Variants in SEMA3A observed in about 807,000 individuals in gnomAD.
SEMA3A encodes semaphorin-3A.
SEMA3A carries 29 observed loss-of-function variants against 97.9 expected under a neutral mutation model. The ratio of observed to expected loss-of-function variants is 0.30; its 90% CI spans 0.22 to 0.40. The LOEUF (loss-of-function observed/expected upper bound fraction) is 0.40. Ranked by LOEUF, SEMA3A falls within the 10% of genes least tolerant of loss-of-function variation. The pLI is 1.00. For synonymous variants in SEMA3A, 321 were observed against 323.7 expected (o/e 0.99, Z 0.09); for missense variants, 763 against 951.3 (o/e 0.80, Z 2.60).
rs367839952 is a variant in SEMA3A at position 84,398,351 on chromosome 7, T to C, written c.-245-26451A>G. On this transcript the variant is annotated intron_variant, in intron 1 of 3. Coordinates refer to the SEMA3A transcript ENST00000424555. Reference sequence around the variant, plus strand: ...TGGTGCTTTTTCTTAGTTTTTGTCCTGATTAATATTATTGTAGCACGTGAC... The same window carrying C: ...TGGTGCTTTTTCTTAGTTTTTGTCCCGATTAATATTATTGTAGCACGTGAC... Among the ~76,000 whole-genome samples the C allele has an allele frequency of 6.9e-4, 105 of 152,326 alleles. 1 individual carries two copies. Among genetic ancestry groups the C allele is most frequent in the African/African-American group, 2.4e-3 (98 of 41,574 alleles).
intron 2 of SEMA3A, among the ~76,000 whole-genome samples, chr7:84,370,383 A>G (rs1446905340): frequency 2.0e-5 from 3 of 151,716 alleles, no homozygotes; most frequent in Non-Finnish European, 4.4e-5. Context: ...CCAATACCTT[A>G]TATTTTAGCA....
chr7:84,066,343 C>T (rs1427413669), intron 4 of SEMA3A, among the ~76,000 whole-genome samples: 2 of 151,694 alleles, frequency 1.3e-5, no homozygotes, highest in Admixed American at 6.6e-5. Flanking sequence ...TGGAAGCATT[C>T]CCTTTGAAGA....
At position 84,391,511 on chromosome 7, in the gene SEMA3A, G is replaced by T. The variant is rs533577315; in HGVS notation, c.-245-19611C>A. Among the ~76,000 whole-genome samples, 11 of 152,152 alleles carry T rather than the reference G, an allele frequency of 7.2e-5. No individual in the cohort carries two copies. In the South Asian group the frequency reaches 1.5e-3, roughly 20 times the overall value. On this transcript the variant is annotated intron_variant, in intron 1 of 3. Transcript: ENST00000424555. ...AAAAATACCTCCCTCAGTGATAGAA[G>T]TAAATATTTTGGAACAGCAGGAACA...
chr7:83,980,618 A>ACAAACAAAC (rs57547797), intron 14 of SEMA3A, among the ~76,000 whole-genome samples: 134 of 82,148 alleles, frequency 1.6e-3, no homozygotes, highest in East Asian at 0.014. Context: ...AAAAAAAAAA[A>ACAAACAAAC]AAAAAATATA....
At chr7:84,201,748 A>G (rs1176570275) in intron 3 of SEMA3A, among the ~76,000 whole-genome samples, 1 of 152,156 alleles carries the variant, frequency 6.6e-6, no homozygotes, top group African/African-American at 2.4e-5. Context: ...GTTGTATCAA[A>G]CAGAACAGAA....
intron 6 of SEMA3A, among the ~76,000 whole-genome samples, chr7:84,041,157 T>G (rs1257577090): frequency 6.6e-6 from 1 of 152,088 alleles, no homozygotes; most frequent in Non-Finnish European, 1.5e-5. Context: ...TAATTTTTAT[T>G]CCAAAGCTTT....
chr7:84,296,501 CAG>C (rs1198937312), intron 3 of SEMA3A, among the ~76,000 whole-genome samples: 4 of 152,070 alleles, frequency 2.6e-5, no homozygotes, highest in Admixed American at 6.6e-5. Flanking sequence ...GAATCTGTAG[CAG>C]AGTGGCAAGC....
intron 5 of SEMA3A, among the ~76,000 whole-genome samples, chr7:84,047,812 G>T (rs1312671140): frequency 6.6e-6 from 1 of 151,980 alleles, no homozygotes; most frequent in Non-Finnish European, 1.5e-5. Context: ...ATTACCATAT[G>T]TTCACGTACC....
chr7:84,243,588 A>G (rs1332760331), intron 3 of SEMA3A, among the ~76,000 whole-genome samples: 7 of 151,472 alleles, frequency 4.6e-5, no homozygotes, highest in Non-Finnish European at 8.8e-5. Context: ...TAATCTTTGC[A>G]AAAAACCAGC....
intron 4 of SEMA3A, among the ~76,000 whole-genome samples, chr7:84,067,222 T>C (rs1383636153): frequency 3.3e-5 from 5 of 152,046 alleles, no homozygotes; most frequent in African/African-American, 1.2e-4. Flanking sequence ...TAGCCATATG[T>C]AGAAAGCTGA....
At chr7:84,483,543 T>C (rs1806497602) in intron 1 of SEMA3A, among the ~76,000 whole-genome samples, 1 of 152,188 alleles carries the variant, frequency 6.6e-6, no homozygotes, top group Non-Finnish European at 1.5e-5. Context: ...TGACCTTGCC[T>C]GCTAGCACCT....
chr7:84,377,344 T>G (rs1803128614), intron 1 of SEMA3A, among the ~76,000 whole-genome samples: 1 of 152,286 alleles, frequency 6.6e-6, no homozygotes, highest in East Asian at 1.9e-4. Flanking sequence ...TTGGATAGAA[T>G]AATTTCTCAA....
chr7:84,053,789 T>C (rs899895881), intron 5 of SEMA3A, among the ~76,000 whole-genome samples: 1 of 143,474 alleles, frequency 7.0e-6, no homozygotes, highest in African/African-American at 2.5e-5. Flanking sequence ...CGTTAATTGA[T>C]GGAGTTTCTT....
At chr7:84,055,932 TATTAA>T in intron 5 of SEMA3A, among the ~76,000 whole-genome samples, 1 of 152,234 alleles carries the variant, frequency 6.6e-6, no homozygotes. Flanking sequence ...TGTCCAATTT[TATTAA>T]ATTGATGGTA....
At chr7:84,073,492 A>T (rs1793821328) in intron 4 of SEMA3A, among the ~76,000 whole-genome samples, 2 of 152,316 alleles carry the variant, frequency 1.3e-5, no homozygotes, top group East Asian at 1.9e-4. Flanking sequence ...GCTGGAAAAT[A>T]AATGTGGGGG....
intron 12 of SEMA3A, among the ~76,000 whole-genome samples, chr7:83,990,690 G>A (rs1264746864): frequency 1.0e-5 from 1 of 96,934 alleles, no homozygotes; most frequent in Non-Finnish European, 2.2e-5. Flanking sequence ...CTGTGTTTTG[G>A]TACCAGTACC....
intron 2 of SEMA3A, among the ~76,000 whole-genome samples, chr7:84,347,570 C>A (rs1345228962): frequency 6.6e-6 from 1 of 152,018 alleles, no homozygotes; most frequent in African/African-American, 2.4e-5. Context: ...CGCCACCACG[C>A]CCGGCTAATT....
At chr7:84,107,250 C>A (rs990905978) in intron 4 of SEMA3A, among the ~76,000 whole-genome samples, 2 of 152,032 alleles carry the variant, frequency 1.3e-5, no homozygotes, top group South Asian at 2.1e-4. Context: ...CAGTTTAAAT[C>A]CAAAGGTAGT....
chr7:84,407,831 G>C (rs1804143624), intron 1 of SEMA3A, among the ~76,000 whole-genome samples: 1 of 152,126 alleles, frequency 6.6e-6, no homozygotes, highest in African/African-American at 2.4e-5. Context: ...TGGGAAAACT[G>C]GTTAGCCATA....
Sources: allele counts gnomAD v4.1 joint callset (sites outside exome capture counted in the v4.1 genomes callset), GRCh38; gene constraint gnomAD v4.1.1; transcripts MANE v1.5; gene names NCBI Gene and HGNC (gene_info 2026-07-23, HGNC 2026-07-21).